Variants in LRRTM4 observed in about 807,000 individuals in gnomAD.
LRRTM4 encodes the protein leucine-rich repeat transmembrane neuronal protein 4.
Under a neutral mutation model 47.6 loss-of-function variants are expected in LRRTM4, and 25 were observed. The ratio of observed to expected loss-of-function variants is 0.53; its 90% CI spans 0.38 to 0.73. The LOEUF (loss-of-function observed/expected upper bound fraction) is 0.73, where lower values mean the gene tolerates loss of function less well. Ranked by LOEUF, LRRTM4 falls within the 30% of genes least tolerant of loss-of-function variation. The probability of loss-of-function intolerance (pLI) is 0.00; values close to 1 mark genes in which losing one functional copy is unlikely to be tolerated. For synonymous variants in LRRTM4, 311 were observed against 269.5 expected (o/e 1.15, Z -1.51); for missense variants, 638 against 713.4 (o/e 0.89, Z 1.20).
intron 3 of LRRTM4, among the ~76,000 whole-genome samples, chr2:77,374,290 A>C (rs969863229): frequency 4.0e-5 from 6 of 151,820 alleles, no homozygotes; most frequent in Non-Finnish European, 7.4e-5. Flanking sequence ...AATATATTGA[A>C]AGCAGAAGAG....
intron 3 of LRRTM4, among the ~76,000 whole-genome samples, chr2:77,071,265 G>C (rs1225183832): frequency 6.6e-6 from 1 of 152,042 alleles, no homozygotes; most frequent in Admixed American, 6.6e-5. Flanking sequence ...ATTTGTTTGT[G>C]CTTCAGAATG....
intron 3 of LRRTM4, among the ~76,000 whole-genome samples, chr2:76,830,653 T>G (rs1183960794): frequency 1.3e-5 from 2 of 151,934 alleles, no homozygotes; most frequent in Non-Finnish European, 2.9e-5. Context: ...AAAATTAAAG[T>G]CTTTGTCTCA....
chr2:77,262,392 C>T (rs144922788), intron 3 of LRRTM4, among the ~76,000 whole-genome samples: 1 of 152,128 alleles, frequency 6.6e-6, no homozygotes, highest in East Asian at 1.9e-4. Context: ...TCCTATTTCC[C>T]CTATTATTAA....
intron 3 of LRRTM4, among the ~76,000 whole-genome samples, chr2:77,138,892 G>C (rs572300738): frequency 1.6e-4 from 24 of 152,000 alleles, no homozygotes; most frequent in Admixed American, 3.9e-4. Context: ...ATAAATTCCT[G>C]GACACATATA....
chr2:77,131,298 G>C (rs1419835547), intron 3 of LRRTM4, among the ~76,000 whole-genome samples: 1 of 152,160 alleles, frequency 6.6e-6, no homozygotes, highest in African/African-American at 2.4e-5. Flanking sequence ...TTTGAGACGA[G>C]AGACTAAACA....
intron 3 of LRRTM4, among the ~76,000 whole-genome samples, chr2:77,366,109 T>C (rs1672442581): frequency 6.6e-6 from 1 of 151,688 alleles, no homozygotes; most frequent in African/African-American, 2.4e-5. Context: ...CTCCTAGTCA[T>C]AGACAACTTT....
At chr2:76,759,992 C>A (rs1167458117) in intron 3 of LRRTM4, among the ~76,000 whole-genome samples, 2 of 152,038 alleles carry the variant, frequency 1.3e-5, no homozygotes, top group African/African-American at 4.8e-5. Context: ...GTAAGCTTCA[C>A]GATGTCAGAA....
At chr2:76,784,397 T>G (rs954279520) in intron 3 of LRRTM4, among the ~76,000 whole-genome samples, 1 of 152,064 alleles carries the variant, frequency 6.6e-6, no homozygotes, top group African/African-American at 2.4e-5. Context: ...ACATATGGAC[T>G]CTAATTACTA....
chr2:77,257,893 G>A (rs1462651542), intron 3 of LRRTM4, among the ~76,000 whole-genome samples: 7 of 151,794 alleles, frequency 4.6e-5, no homozygotes, highest in African/African-American at 1.2e-4. Flanking sequence ...TCGGGAGTTC[G>A]AGACCAGCCT....
intron 3 of LRRTM4, among the ~76,000 whole-genome samples, chr2:76,864,024 A>T (rs1672394907): frequency 6.6e-6 from 1 of 152,228 alleles, no homozygotes; most frequent in African/African-American, 2.4e-5. Flanking sequence ...AACAAAATAC[A>T]TCCCACGTGG....
Position 77,208,172 on chromosome 2 carries a change from C to T in LRRTM4, c.1551+310146G>A, listed in dbSNP as rs561177276. ...GAGATTACAGGCATGAGCCACCACG[C>T]ACCCCCCAAGGTGGCTTCTTTTAAG... On this transcript the variant is annotated intron_variant, in intron 3 of 3. Coordinates refer to ENST00000409884, the MANE Select transcript of LRRTM4 (RefSeq NM_001134745.3). 7.9e-5 allele frequency among the ~76,000 whole-genome samples: 12 copies of T among 152,162 alleles called. 1 individual carries two copies. In the East Asian group the frequency reaches 1.7e-3, roughly 22 times the overall value.
intron 3 of LRRTM4, among the ~76,000 whole-genome samples, chr2:76,962,672 T>A (rs1418156839): frequency 6.6e-6 from 1 of 150,530 alleles, no homozygotes. Context: ...ATTGCAAATT[T>A]TGGTGAAATA....
At chr2:76,767,472 C>G (rs1673501956) in intron 3 of LRRTM4, among the ~76,000 whole-genome samples, 1 of 152,024 alleles carries the variant, frequency 6.6e-6, no homozygotes, top group Admixed American at 6.6e-5. Flanking sequence ...AAATGACTTG[C>G]CCAAGATCAC....
intron 3 of LRRTM4, among the ~76,000 whole-genome samples, chr2:76,809,092 CAT>C (rs770787812): frequency 2.0e-4 from 30 of 152,066 alleles, no homozygotes; most frequent in South Asian, 1.9e-3. Flanking sequence ...ATTCAATACA[CAT>C]GTTTATAGTA....
chr2:77,009,459 C>G (rs1573446075), intron 3 of LRRTM4: 2 of 152,036 alleles, frequency 1.3e-5, no homozygotes, highest in South Asian at 4.2e-4. Flanking sequence ...CTCAAATGCT[C>G]TAATTGTATA....
intron 3 of LRRTM4, among the ~76,000 whole-genome samples, chr2:77,105,793 T>C (rs1671079522): frequency 6.6e-6 from 1 of 152,240 alleles, no homozygotes; most frequent in Non-Finnish European, 1.5e-5. Flanking sequence ...TTGCCTGTTT[T>C]GAAAATTCTT....
intron 3 of LRRTM4, among the ~76,000 whole-genome samples, chr2:77,233,897 A>G (rs1354768057): frequency 6.6e-6 from 1 of 152,098 alleles, no homozygotes; most frequent in Non-Finnish European, 1.5e-5. Flanking sequence ...CTCCATGTTC[A>G]AGCGAGTCTC....
At chr2:76,878,408 C>G (rs1306365536) in intron 3 of LRRTM4, among the ~76,000 whole-genome samples, 1 of 151,612 alleles carries the variant, frequency 6.6e-6, no homozygotes, top group Non-Finnish European at 1.5e-5. Context: ...ATATGTCTAA[C>G]TTTAAAACAA....
chr2:77,219,655 G>A (rs1298756923), intron 3 of LRRTM4, among the ~76,000 whole-genome samples: 1 of 152,136 alleles, frequency 6.6e-6, no homozygotes, highest in Admixed American at 6.5e-5. Context: ...TGGAATCAGG[G>A]CATGATGGAA....
Sources: gnomAD v4.1 joint callset for allele counts (sites outside exome capture counted in the v4.1 genomes callset) on GRCh38, gnomAD v4.1.1 for gene constraint, MANE v1.5 for transcripts, NCBI Gene and HGNC (gene_info 2026-07-23, HGNC 2026-07-21) for gene names.